The following HLTF variants were observed in gnomAD, a reference collection of about 807,000 sequenced individuals.
HLTF encodes DNA-dependent ATPase/E3 ubiquitin-protein ligase HLTF.
A neutral mutation model predicts 129.4 loss-of-function variants in HLTF; 127 were observed. The ratio of observed to expected loss-of-function variants is 0.98; its 90% confidence interval spans 0.85 to 1.14. The LOEUF (loss-of-function observed/expected upper bound fraction) is 1.14. HLTF is among the 50% of genes most tolerant of loss of function. The probability of loss-of-function intolerance (pLI) is 0.00; values close to 1 mark genes in which losing one functional copy is unlikely to be tolerated. For synonymous variants in HLTF, 332 were observed against 388.8 expected (o/e 0.85, Z 1.72); for missense variants, 1,139 against 1,187.1 (o/e 0.96, Z 0.60).
At chr3:149,049,067 C>A in intron 15 of HLTF, 66 bp from the exon 16 acceptor site, 2 of 1,085,668 alleles carry the variant, frequency 1.8e-6, no homozygotes, top group Non-Finnish European at 2.7e-6. Context: ...ATATGATTTG[C>A]TAACTAGTTG....
At chr3:149,064,923 A>C (rs1718229172) in intron 8 of HLTF, 57 bp from the exon 9 acceptor site, 1 of 984,966 alleles carries the variant, frequency 1.0e-6, no homozygotes, top group African/African-American at 1.6e-5. Flanking sequence ...AATAACTTTA[A>C]ATGCATCCTG....
chr3:149,081,660 A>G (rs1334906725), intron 2 of HLTF, among the ~76,000 whole-genome samples: 1 of 152,236 alleles, frequency 6.6e-6, no homozygotes, highest in Non-Finnish European at 1.5e-5. Flanking sequence ...AATGGAGCCA[A>G]TAAGGCATAT....
At chr3:149,036,058 C>T (rs950884531) in intron 23 of HLTF, among the ~76,000 whole-genome samples, 1 of 151,476 alleles carries the variant, frequency 6.6e-6, no homozygotes, top group African/African-American at 2.4e-5. Flanking sequence ...TGGCGTGAAC[C>T]CAGGAGGCGG....
At position 149,030,986 on chromosome 3, in the gene HLTF, T is replaced by C. The variant is rs998354429; in HGVS notation, c.*1234A>G. 4.6e-5 allele frequency: 7 copies of C among 152,180 alleles called. No individual in the cohort carries two copies. Among genetic ancestry groups the C allele is most frequent in the African/African-American group, 1.7e-4 (7 of 41,446 alleles). The allele number at this position is 152,180 out of a possible 1,614,324, so 9.4% of individuals were successfully genotyped here. On this transcript the variant is annotated 3_prime_UTR_variant, in exon 25 of 25. Coordinates refer to ENST00000310053, the MANE Select transcript of HLTF (RefSeq NM_003071.4). ...ATTCTTAAATCTGTATCATCAAACA[T>C]GAAGCTTCTCTTGTTTGTTAGAGTA...
chr3:149,035,206 T>C (rs1183557459), intron 23 of HLTF, among the ~76,000 whole-genome samples: 3 of 152,102 alleles, frequency 2.0e-5, no homozygotes, highest in Non-Finnish European at 4.4e-5. Flanking sequence ...CTACTACTTC[T>C]AATACCTAAT....
In HLTF at chr3:149,075,913, A is replaced by C; in HGVS notation, c.363T>G (p.Tyr121Ter). 1.2e-6 allele frequency: 2 copies of C among 1,607,900 alleles called. No homozygotes were observed. The highest frequency in any genetic ancestry group is 1.7e-6 in the Non-Finnish European group (2 of 1,176,712). Residue 121 changes from tyrosine (Y) to a stop codon, truncating the protein, a stop_gained, in exon 3 of 25, where the codon TAT becomes TAG. Transcript: ENST00000310053. LOFTEE classifies it high-confidence loss of function. ...TTTGTGCCAATTTGTTGTCCATGAT[A>C]TAGGCCAAAGCACCTGCAAGCTCTT... Reference protein sequence around the residue: ...LKKELAGALAYIMDNKLAQIE... With the variant: ...LKKELAGALA
chr3:149,084,272 T>C (rs1027503897), intron 2 of HLTF, among the ~76,000 whole-genome samples: 6 of 152,204 alleles, frequency 3.9e-5, no homozygotes. Context: ...ATGAAACTCC[T>C]AAGGAATCTC....
At chr3:149,073,978 TTTTC>T (rs1347297835) in intron 4 of HLTF, among the ~76,000 whole-genome samples, 1 of 152,118 alleles carries the variant, frequency 6.6e-6, no homozygotes, top group African/African-American at 2.4e-5. Context: ...CATATATACT[TTTTC>T]TTTAATTTTT....
intron 23 of HLTF, among the ~76,000 whole-genome samples, chr3:149,038,062 C>A (rs1274844485): frequency 6.6e-6 from 1 of 152,150 alleles, no homozygotes; most frequent in Non-Finnish European, 1.5e-5. Flanking sequence ...AAATTGTGAT[C>A]CTAGACCACC....
intron 18 of HLTF, among the ~76,000 whole-genome samples, chr3:149,043,547 G>GA (rs35953851): frequency 0.068 from 5,582 of 82,416 alleles, 262 homozygotes; most frequent in African/African-American, 0.16. Context: ...ACTTCAGAGG[G>GA]AAAAAAAAAA....
intron 2 of HLTF, among the ~76,000 whole-genome samples, chr3:149,079,994 C>G (rs1055903006): frequency 6.6e-6 from 1 of 151,658 alleles, no homozygotes; most frequent in Non-Finnish European, 1.5e-5. Context: ...TCATAAGTAA[C>G]TCAAAATATA....
chr3:149,058,207 G>T (rs1363052300), intron 13 of HLTF, among the ~76,000 whole-genome samples: 1 of 152,134 alleles, frequency 6.6e-6, no homozygotes, highest in African/African-American at 2.4e-5. Context: ...AAGTAGCTGG[G>T]ACTACAGGCA....
intron 7 of HLTF, among the ~76,000 whole-genome samples, chr3:149,070,915 C>A (rs1718791746): frequency 6.6e-6 from 1 of 152,042 alleles, no homozygotes; most frequent in Non-Finnish European, 1.5e-5. Context: ...CATGGTGGCA[C>A]ATGCCTGTAA....
At chr3:149,040,741 G>T (rs906788845) in intron 20 of HLTF, among the ~76,000 whole-genome samples, 1 of 152,048 alleles carries the variant, frequency 6.6e-6, no homozygotes, top group Non-Finnish European at 1.5e-5. Flanking sequence ...AATACAGTGG[G>T]GTTACTTTTG....
chr3:149,064,731 T>A (rs2108027267), intron 9 of HLTF, 60 bp downstream of exon 9: 1 of 1,028,360 alleles, frequency 9.7e-7, no homozygotes. Context: ...AAATATTGGG[T>A]CATATTCAAA....
chr3:149,084,416 G>A (rs1576633415), intron 2 of HLTF, among the ~76,000 whole-genome samples: 1 of 151,378 alleles, frequency 6.6e-6, no homozygotes, highest in South Asian at 2.1e-4. Context: ...TGAACAAGGC[G>A]CTGGGGTGTG....
intron 7 of HLTF, among the ~76,000 whole-genome samples, chr3:149,070,986 A>C (rs1324017246): frequency 6.6e-6 from 1 of 151,946 alleles, no homozygotes; most frequent in Non-Finnish European, 1.5e-5. Flanking sequence ...CGGAGGCTGC[A>C]GTGAGCCAAG....
Position 149,032,273 on chromosome 3 carries a change from C to T in HLTF, c.2977G>A (p.Asp993Asn). ...GAFGTKKPNA[D>N]EMKQAKINEI... ...TTAATTTTGGCTTGTTTCATTTCGT[C>T]AGCATTTGGTTTTTTAGTTCCAAAG... is the stretch of plus-strand genomic sequence containing the variant. The change falls in exon 25 of 25, where the codon GAC becomes AAC. Residue 993 changes from aspartate (D) to asparagine (N), a missense_variant. Physicochemically the swap from Asp to Asn is conservative, Grantham distance 23. Coordinates refer to ENST00000310053, the MANE Select transcript of HLTF (RefSeq NM_003071.4). The T allele has an allele frequency of 6.3e-7, 1 of 1,599,398 alleles. No individual in the cohort carries two copies. Among genetic ancestry groups the T allele is most frequent in the Non-Finnish European group, 8.5e-7 (1 of 1,174,814 alleles).
rs376542154 is a variant in HLTF at position 149,075,927 on chromosome 3, C to A, written c.349G>T (p.Gly117Cys). 1.6e-5 allele frequency: 25 copies of A among 1,608,598 alleles called. No homozygotes were observed. In the African/African-American group the frequency reaches 1.6e-4, roughly 10 times the overall value. The change falls in exon 3 of 25, where the codon GGT becomes TGT. Residue 117 changes from glycine to cysteine, a missense_variant. Coordinates refer to ENST00000310053, the MANE Select transcript of HLTF (RefSeq NM_003071.4). ...QVGHLKKELA[G>C]ALAYIMDNKL... Reference sequence around the variant, plus strand: ...TTGTCCATGATATAGGCCAAAGCACCTGCAAGCTCTTTCTTTAAATGGCCA... The same window carrying A: ...TTGTCCATGATATAGGCCAAAGCACATGCAAGCTCTTTCTTTAAATGGCCA...
Sources: allele counts gnomAD v4.1 joint callset (sites outside exome capture counted in the v4.1 genomes callset), GRCh38; gene constraint gnomAD v4.1.1; transcripts MANE v1.5; gene names NCBI Gene and HGNC (gene_info 2026-07-23, HGNC 2026-07-21).